The following AKAP9 variants were observed in gnomAD, a reference collection of about 807,000 sequenced individuals.
AKAP9 encodes the protein A-kinase anchor protein 9.
Under a neutral mutation model 488.5 loss-of-function variants are expected in AKAP9, and 311 were observed. The ratio of observed to expected loss-of-function variants is 0.64; its 90% CI spans 0.58 to 0.70. AKAP9 has a LOEUF of 0.70. AKAP9 is among the 30% of genes least tolerant of loss of function. The pLI, the probability that AKAP9 is intolerant of heterozygous loss-of-function variation, is 0.00. For synonymous variants in AKAP9, 1,462 were observed against 1,483.5 expected (o/e 0.99, Z 0.33); for missense variants, 4,215 against 4,374.5 (o/e 0.96, Z 1.03).
At chr7:92,081,796 A>G (rs1048301309) in intron 31 of AKAP9, among the ~76,000 whole-genome samples, 1 of 152,070 alleles carries the variant, frequency 6.6e-6, no homozygotes, top group African/African-American at 2.4e-5. Flanking sequence ...CTCACCTTAT[A>G]AATTTATAAC....
rs563481443 is a variant in AKAP9, at chr7:92,046,252, G to C, written c.5368+1039G>C. ...TCAAAAGAGGGGAAAAGTTTTGTGA[G>C]ATGGAGAAACATAGGATGTGGACTC... On this transcript the variant is annotated intron_variant, in intron 21 of 49. Transcript: ENST00000356239. 1.4e-3 allele frequency among the ~76,000 whole-genome samples: 216 copies of C among 152,318 alleles called. 2 individuals are homozygous for C. Among genetic ancestry groups the C allele is most frequent in the Non-Finnish European group, 2.5e-3 (168 of 68,030 alleles).
At chr7:92,034,736 T>C (rs184400144) in intron 16 of AKAP9, among the ~76,000 whole-genome samples, 1 of 151,306 alleles carries the variant, frequency 6.6e-6, no homozygotes, top group Non-Finnish European at 1.5e-5. Flanking sequence ...TGACCTCAAG[T>C]GATCCACCCA....
At chr7:92,009,147 C>T (rs1017481958) in intron 8 of AKAP9, among the ~76,000 whole-genome samples, 1 of 151,824 alleles carries the variant, frequency 6.6e-6, no homozygotes, top group African/African-American at 2.4e-5. Context: ...AGCAAGATGC[C>T]TGTCTCCACA....
At chr7:92,090,652 T>C (rs1288166036) in intron 38 of AKAP9, 1 of 151,956 alleles carries the variant, frequency 6.6e-6, no homozygotes, top group Admixed American at 6.6e-5. Flanking sequence ...GAATTTCCTG[T>C]ATAGATACTC....
chr7:92,061,489 C>T lies in AKAP9; in HGVS notation c.5764+67C>T. ...AGTCTTAAAATAGAGATTTTTGATGCACAGCCAGGTTTGGAAGCCGTCAAT... is the reference window on the plus strand; with the variant it reads ...AGTCTTAAAATAGAGATTTTTGATGTACAGCCAGGTTTGGAAGCCGTCAAT... On this transcript the variant is annotated intron_variant, in intron 23 of 49. Coordinates refer to ENST00000356239, the MANE Select transcript of AKAP9 (RefSeq NM_005751.5). The T allele has an allele frequency of 7.0e-6, 11 of 1,566,978 alleles. No homozygotes were observed. The South Asian group carries it at 1.0e-4, about 14-fold the overall frequency.
intron 2 of AKAP9, among the ~76,000 whole-genome samples, chr7:91,977,505 G>A (rs897867568): frequency 6.6e-6 from 1 of 152,100 alleles, no homozygotes; most frequent in Admixed American, 6.6e-5. Flanking sequence ...GCAGTGAGCC[G>A]AGATCACGTC....
chr7:92,068,025 T>G (rs1391852289), intron 26 of AKAP9, among the ~76,000 whole-genome samples: 1 of 151,952 alleles, frequency 6.6e-6, no homozygotes, highest in Non-Finnish European at 1.5e-5. Context: ...GCCAATAAAC[T>G]CCTTATAATA....
At chr7:92,006,733 A>C (rs1799921821) in intron 8 of AKAP9, among the ~76,000 whole-genome samples, 2 of 152,226 alleles carry the variant, frequency 1.3e-5, no homozygotes, top group Non-Finnish European at 2.9e-5. Context: ...AGAAGGAGAA[A>C]AATAAAAACA....
rs1810014392 is a variant in AKAP9 at position 92,062,299 on chromosome 7, A to G, written c.5790A>G (p.Glu1930=). 5 of 1,613,708 alleles carry G rather than the reference A, an allele frequency of 3.1e-6. No individual in the cohort carries two copies. The highest frequency in any genetic ancestry group is 1.3e-5 in the African/African-American group (1 of 75,046). ...AEGVIDGYAD[E]KTLFERQIQE... ...GCGTCATTGATGGCTATGCAGATGA[A>G]AAAACTCTTTTTGAAAGGCAAATTC... is the stretch of plus-strand genomic sequence containing the variant. The change falls in exon 24 of 50, where the codon GAA becomes GAG. Residue 1930 remains glutamate (E), a synonymous_variant. Transcript: ENST00000356239.
At chr7:91,998,125 T>C (rs992447145) in intron 7 of AKAP9, among the ~76,000 whole-genome samples, 2 of 152,122 alleles carry the variant, frequency 1.3e-5, no homozygotes, top group African/African-American at 2.4e-5. Flanking sequence ...ACATGCACAG[T>C]TCACAATAAG....
chr7:92,103,104 A>T (rs1001553833), intron 46 of AKAP9, among the ~76,000 whole-genome samples: 1 of 152,116 alleles, frequency 6.6e-6, no homozygotes, highest in Admixed American at 6.5e-5. Context: ...TTAGAAAACA[A>T]TCTGGGCCAG....
intron 7 of AKAP9, chr7:91,996,085 A>G (rs1200757332): frequency 5.4e-6 from 2 of 371,564 alleles, no homozygotes; most frequent in Non-Finnish European, 9.6e-6. Context: ...ATTTCCACTT[A>G]TTTTAGCCAT....
chr7:92,090,717 T>A (rs1450959498), intron 38 of AKAP9: 1 of 152,218 alleles, frequency 6.6e-6, no homozygotes, highest in Non-Finnish European at 1.5e-5. Context: ...TTGTTTCTAC[T>A]TTTTAGCTGT....
intron 17 of AKAP9, 50 bp downstream of exon 17, chr7:92,038,822 C>A (rs1454042741): frequency 7.7e-7 from 1 of 1,300,676 alleles, no homozygotes; most frequent in Non-Finnish European, 1.1e-6. Context: ...ATTGTGAATT[C>A]TTTCACTTTA....
chr7:92,034,135 A>G (rs1012691524), intron 16 of AKAP9, among the ~76,000 whole-genome samples: 2 of 152,198 alleles, frequency 1.3e-5, no homozygotes, highest in Non-Finnish European at 2.9e-5. Flanking sequence ...TCAGGAAGAT[A>G]TCAGGTTGAG....
chr7:92,072,198 G>C (rs1284428343), intron 28 of AKAP9, among the ~76,000 whole-genome samples: 2 of 152,060 alleles, frequency 1.3e-5, no homozygotes, highest in Non-Finnish European at 2.9e-5. Context: ...ATATAGCACT[G>C]CTATCTTGAA....
chr7:92,007,483 C>T (rs1366359582), intron 8 of AKAP9, among the ~76,000 whole-genome samples: 2 of 151,512 alleles, frequency 1.3e-5, no homozygotes, highest in Non-Finnish European at 2.9e-5. Context: ...AACTCCTGAC[C>T]TCAAGTGATT....
chr7:91,967,449 A>G (rs1794555769), intron 1 of AKAP9, among the ~76,000 whole-genome samples: 1 of 152,132 alleles, frequency 6.6e-6, no homozygotes, highest in East Asian at 1.9e-4. Context: ...TTTGCCATAT[A>G]TGGCCTTTAT....
At chr7:92,006,207 A>G (rs1427604141) in intron 8 of AKAP9, among the ~76,000 whole-genome samples, 4 of 150,624 alleles carry the variant, frequency 2.7e-5, no homozygotes, top group African/African-American at 9.8e-5. Context: ...CTAGAGTCTC[A>G]TGGCGCAATC....
Sources: gnomAD v4.1 joint callset for allele counts (sites outside exome capture counted in the v4.1 genomes callset) on GRCh38, gnomAD v4.1.1 for gene constraint, MANE v1.5 for transcripts, NCBI Gene and HGNC (gene_info 2026-07-23, HGNC 2026-07-21) for gene names.